ATP11C: variants seen among roughly 807,000 people sequenced by gnomAD.
ATP11C encodes ATPase phospholipid transporting 11C (ATP11C blood group).
Under a neutral mutation model 97.4 loss-of-function variants are expected in ATP11C, and 36 were observed. The ratio of observed to expected loss-of-function variants is 0.37; its 90% CI spans 0.28 to 0.49. ATP11C has a LOEUF of 0.49. Among genes scored for constraint, ATP11C ranks in the 20% least tolerant of loss-of-function variants. The pLI is 0.98. For synonymous variants in ATP11C, 275 were observed against 290.9 expected (o/e 0.95, Z 0.56); for missense variants, 730 against 824.6 (o/e 0.89, Z 1.40).
chrX:139,731,379 G>GC (rs1282033629), intron 29 of ATP11C, among the ~76,000 whole-genome samples: 1 of 111,957 alleles, frequency 8.9e-6, no homozygotes, highest in Non-Finnish European at 1.9e-5. Context: ...ATGACAACTT[G>GC]CCCCTTACAA....
At chrX:139,891,478 A>G (rs2084730190) in intron 1 of ATP11C, among the ~76,000 whole-genome samples, 1 of 111,917 alleles carries the variant, frequency 8.9e-6, no homozygotes, top group South Asian at 3.7e-4. Context: ...TGCAGAGAAA[A>G]TGACTCATTC....
Position 139,768,325 on chromosome X carries a change from G to A in ATP11C, c.2326C>T (p.Leu776=). ...GCAGTACACTTCATACATATTTGTA[G>A]GAAAATGCTTTTGTAATTGTTTGAA... ...SSSNNYKSIF[L]QICMKCTAVL... is the part of the protein sequence containing the mutation. The change falls in exon 20 of 30, where the codon CTA becomes TTA. Residue 776 remains leucine, a synonymous_variant. Coordinates refer to ENST00000682941, the MANE Select transcript of ATP11C (RefSeq NM_001353812.2). The A allele has an allele frequency of 1.7e-6, 2 of 1,190,171 alleles. No individual in the cohort carries two copies. The highest frequency in any genetic ancestry group is 6.0e-5 in the East Asian group (2 of 33,432).
chrX:139,730,996 T>A (rs1054452282), intron 29 of ATP11C, among the ~76,000 whole-genome samples: 12 of 111,731 alleles, frequency 1.1e-4, no homozygotes, highest in Admixed American at 7.6e-4. Context: ...GCATTTTATA[T>A]CATTAGGCAA....
chrX:139,836,613 C>T (rs2083754595), intron 1 of ATP11C, among the ~76,000 whole-genome samples: 1 of 111,725 alleles, frequency 9.0e-6, no homozygotes, highest in African/African-American at 3.3e-5. Context: ...GGGAAAGGTT[C>T]ATGTGCTAAT....
intron 17 of ATP11C, 146 bp downstream of exon 17, chrX:139,783,018 A>G (rs1425735766): frequency 8.6e-6 from 4 of 464,290 alleles, no homozygotes; most frequent in Non-Finnish European, 1.4e-5. Context: ...AAAAAGTAAT[A>G]TTATCAAATC....
intron 7 of ATP11C, among the ~76,000 whole-genome samples, chrX:139,800,537 G>T (rs1484368739): frequency 8.9e-6 from 1 of 111,783 alleles, no homozygotes; most frequent in Non-Finnish European, 1.9e-5. Context: ...AGAATCACTG[G>T]AGCGCTAATT....
At chrX:139,899,267 G>A (rs1297290773) in intron 1 of ATP11C, among the ~76,000 whole-genome samples, 1 of 110,746 alleles carries the variant, frequency 9.0e-6, no homozygotes, top group Non-Finnish European at 1.9e-5. Flanking sequence ...GATCACTTGA[G>A]ATCAGGAGTT....
rs189101207 is a variant in ATP11C, at chrX:139,859,962, G to A, written c.28-33139C>T. On this transcript the variant is annotated intron_variant, in intron 1 of 29. Coordinates refer to ENST00000682941, the MANE Select transcript of ATP11C (RefSeq NM_001353812.2). ...CTAAAAATACAAAAAAAAATTAGCC[G>A]GGCGTAGTGGCGGGCGCCTGTAGTC... 1.6e-4 allele frequency among the ~76,000 whole-genome samples: 15 copies of A among 94,512 alleles called. 4 individuals carry two copies. In the East Asian group the frequency reaches 4.6e-3, roughly 29 times the overall value. The allele number at this position is 94,512 out of a possible 115,157, so 82.1% of individuals were successfully genotyped here.
At chrX:139,866,305 C>CTA (rs1451584289) in intron 1 of ATP11C, among the ~76,000 whole-genome samples, 1 of 88,917 alleles carries the variant, frequency 1.1e-5, no homozygotes, top group African/African-American at 4.2e-5. Flanking sequence ...GGTTGCACCA[C>CTA]TATACTCCAG....
At chrX:139,924,715 G>T (rs561752587) in intron 1 of ATP11C, among the ~76,000 whole-genome samples, 4 of 111,150 alleles carry the variant, frequency 3.6e-5, no homozygotes, top group African/African-American at 1.3e-4. Context: ...AAAAACCCTG[G>T]GTACTGAATC....
chrX:139,874,984 C>A (rs952293706), intron 1 of ATP11C, among the ~76,000 whole-genome samples: 5 of 110,969 alleles, frequency 4.5e-5, no homozygotes, highest in Non-Finnish European at 9.4e-5. Context: ...TCCTCCTCCC[C>A]CTAATCTCAA....
intron 2 of ATP11C, among the ~76,000 whole-genome samples, chrX:139,824,691 C>G (rs759637387): frequency 9.0e-6 from 1 of 110,764 alleles, no homozygotes; most frequent in East Asian, 2.8e-4. Flanking sequence ...TGTCTCCCCC[C>G]CACAAAAAAA....
At chrX:139,833,446 G>A (rs1055068479) in intron 1 of ATP11C, among the ~76,000 whole-genome samples, 7 of 111,280 alleles carry the variant, frequency 6.3e-5, no homozygotes, top group Non-Finnish European at 1.3e-4. Flanking sequence ...GCTTGGACCT[G>A]TAATCCCAAT....
chrX:139,921,320 C>T (rs372350670), intron 1 of ATP11C, among the ~76,000 whole-genome samples: 9 of 110,941 alleles, frequency 8.1e-5, no homozygotes, highest in East Asian at 2.8e-4. Context: ...CCCATGTTCT[C>T]GTGATAGTGA....
rs191935407 is a variant in ATP11C, at chrX:139,882,142, G to A, written c.27+49874C>T. On this transcript the variant is annotated intron_variant, in intron 1 of 29. Transcript: ENST00000682941. ...CTTCCTGAGTACCTAACAGATTTTT[G>A]GTCCTGTAATAGGTGGTAGGGGTAC... 2.6e-4 allele frequency among the ~76,000 whole-genome samples: 29 copies of A among 110,906 alleles called. No individual in the cohort carries two copies. The East Asian group carries it at 8.0e-3, about 31-fold the overall frequency.
intron 1 of ATP11C, among the ~76,000 whole-genome samples, chrX:139,850,536 G>A (rs1007752442): frequency 3.6e-5 from 4 of 111,789 alleles, no homozygotes; most frequent in Non-Finnish European, 7.5e-5. Context: ...AAATATCAAA[G>A]GAGCTGTGTG....
At position 139,932,197 on chromosome X, in the gene ATP11C, T is replaced by TCCGCGCTC. The variant is rs1269896708; in HGVS notation, c.-163_-156dup. ...GCTCGCCGCCTGCCCCCCTCGGCTC[T>TCCGCGCTC]CCGCGCTCCCCCGCCCCCCAGCCGC... On this transcript the variant is annotated 5_prime_UTR_variant, in exon 1 of 30. Coordinates refer to ENST00000682941, the MANE Select transcript of ATP11C (RefSeq NM_001353812.2). The TCCGCGCTC allele has an allele frequency of 3.4e-3, 1,019 of 297,277 alleles. 8 individuals carry two copies. The highest frequency in any genetic ancestry group is 8.2e-3 in the Middle Eastern group (5 of 612). The allele number at this position is 297,277 out of a possible 1,213,427, so 24.5% of individuals were successfully genotyped here. A position where few individuals can be genotyped will look rare whatever the true frequency, so the allele number is the denominator to read the frequency against.
At chrX:139,864,980 G>T (rs1048335461) in intron 1 of ATP11C, among the ~76,000 whole-genome samples, 1 of 112,279 alleles carries the variant, frequency 8.9e-6, no homozygotes, top group African/African-American at 3.2e-5. Flanking sequence ...TTCTACAACA[G>T]TATCCACATT....
intron 5 of ATP11C, among the ~76,000 whole-genome samples, chrX:139,811,686 G>A (rs2083180104): frequency 9.1e-6 from 1 of 110,407 alleles, no homozygotes; most frequent in Non-Finnish European, 1.9e-5. Flanking sequence ...GTAGTAAAGA[G>A]TTGTGGTTAA....
Sources: allele counts gnomAD v4.1 joint callset (sites outside exome capture counted in the v4.1 genomes callset), GRCh38; gene constraint gnomAD v4.1.1; transcripts MANE v1.5; gene names NCBI Gene and HGNC (gene_info 2026-07-23, HGNC 2026-07-21).